VAC14: variants seen among roughly 807,000 people sequenced by gnomAD.
The protein encoded by VAC14 is VAC14 component of PIKFYVE complex.
In VAC14, 47 loss-of-function variants were observed where a neutral mutation model predicts 85.3. The ratio of observed to expected loss-of-function variants is 0.55; its 90% CI spans 0.44 to 0.70. The LOEUF (loss-of-function observed/expected upper bound fraction) is 0.70. Among genes scored for constraint, VAC14 ranks in the 30% least tolerant of loss-of-function variants. VAC14 has a pLI of 0.00. For missense variants in VAC14, 861 were observed against 1,004.3 expected (o/e 0.86, Z 1.93); for synonymous variants, 447 against 430.5 (o/e 1.04, Z -0.47).
rs760992610 is a variant in VAC14 at position 70,692,925 on chromosome 16, G to T, written c.2082C>A (p.Ile694=). 6.2e-7 allele frequency: 1 copy of T among 1,611,178 alleles called. No individual in the cohort carries two copies. Among genetic ancestry groups the T allele is most frequent in the East Asian group, 2.2e-5 (1 of 44,846 alleles). ...LLDVKNNPYL[I]KALYGLLMLL... ...GCATGAGCAGGCCGTAGAGGGCCTT[G>T]ATCAGGTAGGGGTTGTTCTTCACGT... Residue 694 remains isoleucine (I), a synonymous_variant, in exon 18 of 19, where the codon ATC becomes ATA. Transcript: ENST00000261776.
chr16:70,697,945 C>A (rs1364829561), intron 15 of VAC14, among the ~76,000 whole-genome samples: 1 of 151,914 alleles, frequency 6.6e-6, no homozygotes, highest in East Asian at 1.9e-4. Context: ...GGAGTCCCTG[C>A]CTCCAGGATG....
intron 14 of VAC14, chr16:70,699,111 T>C: frequency 9.3e-6 from 3 of 322,254 alleles, no homozygotes; most frequent in Non-Finnish European, 1.8e-5. Context: ...CTACCCAAAA[T>C]AGTTCCTGAG....
chr16:70,697,999 G>C (rs935964156), intron 15 of VAC14, among the ~76,000 whole-genome samples: 3 of 152,292 alleles, frequency 2.0e-5, no homozygotes, highest in East Asian at 1.9e-4. Flanking sequence ...CCCCAGCCGG[G>C]ACACGAGAGG....
At chr16:70,694,290 C>T (rs2053661778) in intron 17 of VAC14, among the ~76,000 whole-genome samples, 2 of 152,228 alleles carry the variant, frequency 1.3e-5, no homozygotes, top group African/African-American at 4.8e-5. Context: ...GACAGACCAG[C>T]AGCAGGAGCA....
Position 70,687,866 on chromosome 16 carries a change from G to C in VAC14, c.*62C>G, listed in dbSNP as rs2053525291. On this transcript the variant is annotated 3_prime_UTR_variant, in exon 19 of 19. Coordinates refer to ENST00000261776, the MANE Select transcript of VAC14 (RefSeq NM_018052.5). ...GGCAGGTCCTTGAGCTCCTCGGGAG[G>C]GCGTGACGACCCTTAGTGTTTCATG... The C allele has an allele frequency of 7.2e-7, 1 of 1,388,796 alleles. No homozygotes were observed. Among genetic ancestry groups the C allele is most frequent in the East Asian group, 2.8e-5 (1 of 35,274 alleles). 86.0% of individuals were successfully genotyped at this position (1,388,796 alleles called of 1,614,324 possible). A position where few individuals can be genotyped will look rare whatever the true frequency, so the allele number is the denominator to read the frequency against.
At chr16:70,710,790 T>C (rs541633992) in intron 14 of VAC14, among the ~76,000 whole-genome samples, 18 of 152,366 alleles carry the variant, frequency 1.2e-4, no homozygotes, top group African/African-American at 3.6e-4. Context: ...AGTGTTCATA[T>C]GGCCATAGCC....
chr16:70,782,275 G>A (rs1283673037), intron 7 of VAC14, among the ~76,000 whole-genome samples: 2 of 152,246 alleles, frequency 1.3e-5, no homozygotes, highest in African/African-American at 4.8e-5. Flanking sequence ...CATCAAGAGT[G>A]GAATTAACTT....
intron 14 of VAC14, among the ~76,000 whole-genome samples, chr16:70,703,086 G>T (rs899675420): frequency 2.0e-5 from 3 of 152,238 alleles, no homozygotes; most frequent in Non-Finnish European, 4.4e-5. Flanking sequence ...TGGGCACCAG[G>T]GGCTGTCCCT....
At chr16:70,742,206 G>A (rs571822754) in intron 13 of VAC14, among the ~76,000 whole-genome samples, 8 of 152,260 alleles carry the variant, frequency 5.3e-5, no homozygotes, top group African/African-American at 1.4e-4. Flanking sequence ...AGGCTGTGGC[G>A]CCTGCTTCCT....
At chr16:70,728,302 C>T (rs1438139617) in intron 14 of VAC14, among the ~76,000 whole-genome samples, 3 of 152,128 alleles carry the variant, frequency 2.0e-5, no homozygotes, top group Non-Finnish European at 2.9e-5. Context: ...GGTCCTGGCA[C>T]GCAGGATGTT....
In VAC14 at chr16:70,735,201, T is replaced by A. The variant is rs1050166250; in HGVS notation, c.1529-3574A>T. 1.2e-4 allele frequency among the ~76,000 whole-genome samples: 19 copies of A among 152,008 alleles called. 1 individual carries two copies. ...GGATGCAGAGCGGCCAACAGAGGCA[T>A]CTGGGACCATCATTTTCCAGGCTGG... On this transcript the variant is annotated intron_variant, in intron 13 of 18. Coordinates refer to ENST00000261776, the MANE Select transcript of VAC14 (RefSeq NM_018052.5).
At chr16:70,689,306 C>T (rs1280020240) in intron 18 of VAC14, 1 of 985,360 alleles carries the variant, frequency 1.0e-6, no homozygotes, top group African/African-American at 1.7e-5. Flanking sequence ...ACTGTGGCTA[C>T]AGTTCTGCCC....
At chr16:70,697,083 C>T (rs762240918) in intron 16 of VAC14, 56 bp downstream of exon 16, 30 of 1,450,436 alleles carry the variant, frequency 2.1e-5, no homozygotes, top group African/African-American at 4.2e-5. Context: ...AGGGGGCAGC[C>T]GGCCCCTTCC....
chr16:70,746,984 C>T (rs2030948479), intron 12 of VAC14: 1 of 152,190 alleles, frequency 6.6e-6, no homozygotes, highest in African/African-American at 2.4e-5. Context: ...CACTCCTAGG[C>T]AGTTACCAAG....
At chr16:70,712,875 GACGGAGCCCA>G (rs2054065227) in intron 14 of VAC14, among the ~76,000 whole-genome samples, 2 of 152,200 alleles carry the variant, frequency 1.3e-5, no homozygotes, top group Admixed American at 1.3e-4. Flanking sequence ...GAGGCTTGGC[GACGGAGCCCA>G]CGGGCAGGGC....
chr16:70,688,199 T>C, intron 18 of VAC14, 109 bp from the exon 19 acceptor site: 1 of 1,347,186 alleles, frequency 7.4e-7, no homozygotes, highest in East Asian at 2.8e-5. Flanking sequence ...GGGCTCGGCC[T>C]GTGGGCGTCT....
intron 14 of VAC14, among the ~76,000 whole-genome samples, chr16:70,708,776 G>A (rs540506127): frequency 1.4e-4 from 21 of 152,314 alleles, no homozygotes; most frequent in African/African-American, 4.8e-4. Context: ...AGTGTGAGGA[G>A]GGCAAGGCCG....
At chr16:70,726,098 C>T (rs1223773797) in intron 14 of VAC14, among the ~76,000 whole-genome samples, 1 of 152,266 alleles carries the variant, frequency 6.6e-6, no homozygotes, top group African/African-American at 2.4e-5. Flanking sequence ...TGTCGGGTCA[C>T]GCTGGAGTTC....
intron 18 of VAC14, chr16:70,690,355 C>T: frequency 1.0e-6 from 1 of 985,692 alleles, no homozygotes; most frequent in Non-Finnish European, 1.2e-6. Flanking sequence ...AGGCCCTGCA[C>T]ATCTTCTGTA....
Sources: allele counts gnomAD v4.1 joint callset (sites outside exome capture counted in the v4.1 genomes callset), GRCh38; gene constraint gnomAD v4.1.1; transcripts MANE v1.5; gene names NCBI Gene and HGNC (gene_info 2026-07-23, HGNC 2026-07-21).